The following TDRD3 variants were observed in gnomAD, a reference collection of about 807,000 sequenced individuals.
TDRD3 encodes tudor domain containing 3.
TDRD3 carries 45 observed loss-of-function variants against 86.7 expected under a neutral mutation model. That is an observed-to-expected ratio of 0.52 (90% CI 0.41 to 0.67). The LOEUF (loss-of-function observed/expected upper bound fraction) is 0.67. Ranked by LOEUF, TDRD3 falls within the 30% of genes least tolerant of loss-of-function variation. The pLI is 0.00. For missense variants in TDRD3, 814 were observed against 889.0 expected, an observed-to-expected ratio of 0.92 and a Z score of 1.07; for synonymous variants, 298 against 301.7, an observed-to-expected ratio of 0.99 and a Z score of 0.13.
chr13:60,401,537 CTT>C (rs1954102511), intron 1 of TDRD3, among the ~76,000 whole-genome samples: 1 of 152,158 alleles, frequency 6.6e-6, no homozygotes, highest in Admixed American at 6.5e-5. Context: ...GTCTTTGCTT[CTT>C]TTACCCAGTA....
At chr13:60,550,786 G>T (rs939832398) in intron 12 of TDRD3, among the ~76,000 whole-genome samples, 11 of 152,204 alleles carry the variant, frequency 7.2e-5, no homozygotes, top group Admixed American at 1.3e-4. Flanking sequence ...AACTGTTTAT[G>T]TTGTTACCTG....
chr13:60,530,898 A>G (rs1957568927), intron 11 of TDRD3, among the ~76,000 whole-genome samples: 1 of 152,172 alleles, frequency 6.6e-6, no homozygotes, highest in Non-Finnish European at 1.5e-5. Flanking sequence ...GGATCCTTTA[A>G]TAAGGATGCT....
At chr13:60,543,642 T>G (rs1176259492) in intron 12 of TDRD3, among the ~76,000 whole-genome samples, 1 of 152,130 alleles carries the variant, frequency 6.6e-6, no homozygotes, top group Non-Finnish European at 1.5e-5. Context: ...GTTTTAGAAT[T>G]TCCAAACCTC....
chr13:60,434,464 TAAA>T (rs774279549), intron 1 of TDRD3, among the ~76,000 whole-genome samples: 1 of 130,752 alleles, frequency 7.6e-6, no homozygotes, highest in Non-Finnish European at 1.7e-5. Context: ...AGACCCTGTT[TAAA>T]AAAAAAAAAA....
intron 5 of TDRD3, among the ~76,000 whole-genome samples, chr13:60,480,829 A>C (rs2137483290): frequency 6.6e-6 from 1 of 151,896 alleles, no homozygotes; most frequent in Non-Finnish European, 1.5e-5. Context: ...GCTGCAAGCG[A>C]GGGGGCCACA....
intron 8 of TDRD3, among the ~76,000 whole-genome samples, chr13:60,497,972 T>G (rs1956752834): frequency 6.6e-6 from 1 of 152,052 alleles, no homozygotes; most frequent in Non-Finnish European, 1.5e-5. Flanking sequence ...CTGCATTTAA[T>G]ATTGCAGCTC....
chr13:60,524,172 C>T (rs1957353420), intron 10 of TDRD3, among the ~76,000 whole-genome samples: 2 of 152,032 alleles, frequency 1.3e-5, no homozygotes, highest in Admixed American at 6.6e-5. Context: ...AACCAAGGAG[C>T]TGCCTTTTCA....
chr13:60,568,291 T>A (rs1217927943), intron 13 of TDRD3, among the ~76,000 whole-genome samples: 1 of 152,192 alleles, frequency 6.6e-6, no homozygotes, highest in East Asian at 1.9e-4. Flanking sequence ...TGTAGCACCT[T>A]TTTCCTTTTA....
chr13:60,413,109 G>C (rs531312740), intron 1 of TDRD3, among the ~76,000 whole-genome samples: 1 of 151,606 alleles, frequency 6.6e-6, no homozygotes, highest in Non-Finnish European at 1.5e-5. Flanking sequence ...AAGTTAGCAT[G>C]TGAAAATGCT....
Position 60,424,756 on chromosome 13 carries a change from A to G in TDRD3, c.42-14932A>G, listed in dbSNP as rs1216492021. Among the ~76,000 whole-genome samples the G allele has an allele frequency of 2.0e-5, 3 of 152,210 alleles. No individual in the cohort carries two copies. In the East Asian group the frequency reaches 5.8e-4, roughly 29 times the overall value. ...AGATTTGTAATCATCACTACTATCTAATTCAAGAACATTTAACCCGATATG... is the reference window on the plus strand; with the variant it reads ...AGATTTGTAATCATCACTACTATCTGATTCAAGAACATTTAACCCGATATG... On this transcript the variant is annotated intron_variant, in intron 1 of 13. Coordinates refer to ENST00000377881, the MANE Select transcript of TDRD3 (RefSeq NM_001146070.2).
intron 7 of TDRD3, among the ~76,000 whole-genome samples, chr13:60,492,035 C>T (rs566825853): frequency 6.6e-6 from 1 of 152,212 alleles, no homozygotes; most frequent in South Asian, 2.1e-4. Flanking sequence ...TAAAGGGCAA[C>T]ACCAGTTACC....
chr13:60,529,526 A>C (rs1022253232), intron 11 of TDRD3, among the ~76,000 whole-genome samples: 3 of 152,200 alleles, frequency 2.0e-5, no homozygotes, highest in African/African-American at 7.2e-5. Flanking sequence ...ACTGAATTAC[A>C]TATGTTTGCT....
intron 5 of TDRD3, among the ~76,000 whole-genome samples, chr13:60,474,353 C>T (rs1845644): frequency 0.058 from 8,884 of 152,198 alleles, 361 homozygotes; most frequent in South Asian, 0.11. Flanking sequence ...TACCGGTCTC[C>T]GCGCCTTGGT....
chr13:60,443,353 C>T (rs1237494781), intron 2 of TDRD3, among the ~76,000 whole-genome samples: 1 of 151,934 alleles, frequency 6.6e-6, no homozygotes, highest in Non-Finnish European at 1.5e-5. Flanking sequence ...TTAATTCTGT[C>T]ATTGGATTGA....
chr13:60,496,592 C>T (rs2137575217), intron 8 of TDRD3, among the ~76,000 whole-genome samples: 1 of 151,878 alleles, frequency 6.6e-6, no homozygotes, highest in Non-Finnish European at 1.5e-5. Context: ...GTTTTTGATT[C>T]ATCACTCATG....
upstream of TDRD3, chr13:60,396,971 C>T (rs892863596): frequency 4.4e-5 from 7 of 160,218 alleles, no homozygotes; most frequent in Non-Finnish European, 6.8e-5. Context: ...GCAAACGCCA[C>T]ACTTTTGCTC....
chr13:60,415,673 A>C (rs1954488764), intron 1 of TDRD3, among the ~76,000 whole-genome samples: 1 of 152,144 alleles, frequency 6.6e-6, no homozygotes, highest in Admixed American at 6.6e-5. Context: ...TATGCAAATA[A>C]AATTGCTTTC....
chr13:60,487,195 G>A (rs1000854472), intron 7 of TDRD3, among the ~76,000 whole-genome samples: 2 of 152,138 alleles, frequency 1.3e-5, no homozygotes, highest in African/African-American at 4.8e-5. Flanking sequence ...ATCTAGAGAT[G>A]ATTTAAATAT....
Position 60,470,959 on chromosome 13 carries a change from G to A in TDRD3, c.495+3580G>A, listed in dbSNP as rs117539220. On this transcript the variant is annotated intron_variant, in intron 5 of 13. Transcript: ENST00000377881. ...CTTTTTGTGTGCTTATTGGCCATGC[G>A]TAGATCTTCTTTGGAGAAATTTCTA... Among the ~76,000 whole-genome samples the A allele has an allele frequency of 1.2e-4, 18 of 152,216 alleles. No homozygotes were observed. In the East Asian group the frequency reaches 3.1e-3, roughly 26 times the overall value.
Sources: gnomAD v4.1 joint callset for allele counts (sites outside exome capture counted in the v4.1 genomes callset) on GRCh38, gnomAD v4.1.1 for gene constraint, MANE v1.5 for transcripts, NCBI Gene and HGNC (gene_info 2026-07-23, HGNC 2026-07-21) for gene names.